The following LTV1 variants were observed in gnomAD, a reference collection of about 807,000 sequenced individuals.
The protein encoded by LTV1 is protein LTV1 homolog.
Under a neutral mutation model 59.9 loss-of-function variants are expected in LTV1, and 39 were observed. That is an observed-to-expected ratio of 0.65 (90% confidence interval 0.50 to 0.85). The LOEUF is 0.85. LTV1 is among the 40% of genes least tolerant of loss of function. The pLI is 0.00. For synonymous variants in LTV1, 171 were observed against 189.5 expected (o/e 0.90, Z 0.80); for missense variants, 493 against 549.1 (o/e 0.90, Z 1.02).
chr6:143,862,804 A>G lies in LTV1; in HGVS notation c.1064-40A>G, dbSNP rs376953162. 2.5e-4 allele frequency: 314 copies of G among 1,277,792 alleles called. 1 individual carries two copies. Among genetic ancestry groups the G allele is most frequent in the Non-Finnish European group, 3.3e-4 (290 of 874,536 alleles). The allele number at this position is 1,277,792 out of a possible 1,614,324, so 79.2% of individuals were successfully genotyped here. A position where few individuals can be genotyped will look rare whatever the true frequency, so the allele number is the denominator to read the frequency against. Reference sequence around the variant, plus strand: ...TTCAGTAATGCTTTGTGGAACTGAAAACATGCTTACTGATACATGACTTTT... The same window carrying G: ...TTCAGTAATGCTTTGTGGAACTGAAGACATGCTTACTGATACATGACTTTT... On this transcript the variant is annotated intron_variant, in intron 8 of 10. Coordinates refer to ENST00000367576, the MANE Select transcript of LTV1 (RefSeq NM_032860.5). The surrounding 1 kb of genome is among the most constrained non-coding windows in gnomAD (Gnocchi z 4.2).
At position 143,857,874 on chromosome 6, in the gene LTV1, A is replaced by G; in HGVS notation, c.662A>G (p.Lys221Arg). ...GAAGACTGTATGTCTGTGCCCGGAA[A>G]AACTCACAGAGCTATAGCAGATCAC... ...SDEDCMSVPG[K>R]THRAIADHLF... is the part of the protein sequence containing the mutation. The change falls in exon 6 of 11, where the codon AAA becomes AGA. Residue 221 changes from lysine (K) to arginine (R), a missense_variant. Lys to Arg is a conservative substitution (Grantham distance 26). Transcript: ENST00000367576. The surrounding 1 kb of genome is among the most constrained non-coding windows in gnomAD (Gnocchi z 5.2). 1 of 1,614,176 alleles carries G rather than the reference A, an allele frequency of 6.2e-7. No individual in the cohort carries two copies.
intron 4 of LTV1, among the ~76,000 whole-genome samples, chr6:143,852,512 G>A (rs114337931): frequency 0.022 from 3,308 of 152,234 alleles, 124 homozygotes; most frequent in African/African-American, 0.074. Flanking sequence ...CTCCCATTGT[G>A]TGGGTTGCCT....
chr6:143,848,749 A>G (rs1198001068), intron 3 of LTV1, among the ~76,000 whole-genome samples: 1 of 152,142 alleles, frequency 6.6e-6, no homozygotes, highest in African/African-American at 2.4e-5. Context: ...AGTTCACACA[A>G]AGGGAAGTTC....
At position 143,845,115 on chromosome 6, in the gene LTV1, C is replaced by G. The variant is rs75893908; in HGVS notation, c.135+498C>G. On this transcript the variant is annotated intron_variant, in intron 2 of 10. Transcript: ENST00000367576. ...ACCGCAAACTGCATTTTGCCTCCTG[C>G]TTGCTCATCTTAGGAAATGTAAAAT... 8.8e-3 allele frequency among the ~76,000 whole-genome samples: 1,339 copies of G among 152,190 alleles called. 20 individuals carry two copies. Among genetic ancestry groups the G allele is most frequent in the African/African-American group, 0.031 (1,290 of 41,522 alleles).
At chr6:143,849,986 CTTA>C (rs1003001508) in intron 3 of LTV1, 142 bp from the exon 4 acceptor site, 2 of 593,318 alleles carry the variant, frequency 3.4e-6, no homozygotes, top group African/African-American at 1.9e-5. Context: ...AAGACCTCAT[CTTA>C]TTATAGTTGA....
intron 6 of LTV1, 53 bp downstream of exon 6, chr6:143,858,060 T>G: frequency 1.3e-6 from 2 of 1,564,600 alleles, no homozygotes; most frequent in South Asian, 2.3e-5. Context: ...TAAATTTTTT[T>G]TTTTAATACC....
At chr6:143,843,616 T>C in intron 1 of LTV1, 136 bp downstream of exon 1, 1 of 1,098,338 alleles carries the variant, frequency 9.1e-7, no homozygotes, top group Non-Finnish European at 1.3e-6. Flanking sequence ...TACCCCGAAA[T>C]GGGCCAACGT....
intron 2 of LTV1, 124 bp from the exon 3 acceptor site, chr6:143,845,927 C>A: frequency 1.3e-6 from 1 of 770,518 alleles, no homozygotes; most frequent in Non-Finnish European, 2.0e-6. Context: ...GTTCATGTGC[C>A]ATCTGCCTCC....
At chr6:143,852,032 C>T (rs542658469) in intron 4 of LTV1, among the ~76,000 whole-genome samples, 7 of 152,070 alleles carry the variant, frequency 4.6e-5, no homozygotes, top group Admixed American at 1.3e-4. Flanking sequence ...TACAATAAAC[C>T]TACGTGTGCA....
At chr6:143,861,484 G>A (rs1254074448) in intron 7 of LTV1, among the ~76,000 whole-genome samples, 8 of 151,652 alleles carry the variant, frequency 5.3e-5, no homozygotes, top group South Asian at 4.2e-4. Context: ...AAATAAGATC[G>A]TGTTTCTAGT....
chr6:143,857,680 A>T lies in LTV1; in HGVS notation c.540-72A>T. 7.2e-6 allele frequency: 11 copies of T among 1,521,568 alleles called. No individual in the cohort carries two copies. Among genetic ancestry groups the T allele is most frequent in the Non-Finnish European group, 9.1e-6 (10 of 1,104,004 alleles). The allele number at this position is 1,521,568 out of a possible 1,614,324, so 94.3% of individuals were successfully genotyped here. On this transcript the variant is annotated intron_variant, in intron 5 of 10. Coordinates refer to ENST00000367576, the MANE Select transcript of LTV1 (RefSeq NM_032860.5). This position sits in a 1 kb window ranked among gnomAD's most constrained non-coding sequence, Gnocchi z 5.2. ...CCTTCCTGAAATACCTTCCAATTTTACTTGTGTAAAGTGGTTTTGTTCTGT... is the reference window on the plus strand; with the variant it reads ...CCTTCCTGAAATACCTTCCAATTTTTCTTGTGTAAAGTGGTTTTGTTCTGT...
chr6:143,853,263 CTGTT>C (rs1562330658), intron 4 of LTV1, among the ~76,000 whole-genome samples: 1 of 152,116 alleles, frequency 6.6e-6, no homozygotes, highest in African/African-American at 2.4e-5. Context: ...ATTTGGCTCT[CTGTT>C]TGTCTATTAT....
Position 143,862,922 on chromosome 6 carries a change from T to G in LTV1, c.1116+26T>G. Reference sequence around the variant, plus strand: ...GTAAGTCCTAGTGTGCTGAGCTATTTGAAGGATGCAGTGCATAAAAAATAG... The same window carrying G: ...GTAAGTCCTAGTGTGCTGAGCTATTGGAAGGATGCAGTGCATAAAAAATAG... On this transcript the variant is annotated intron_variant, in intron 9 of 10. Coordinates refer to ENST00000367576, the MANE Select transcript of LTV1 (RefSeq NM_032860.5). This position sits in a 1 kb window ranked among gnomAD's most constrained non-coding sequence, Gnocchi z 4.2. 1 of 1,556,736 alleles carries G rather than the reference T, an allele frequency of 6.4e-7. No homozygotes were observed. Among genetic ancestry groups the G allele is most frequent in the Non-Finnish European group, 8.9e-7 (1 of 1,127,988 alleles).
intron 4 of LTV1, among the ~76,000 whole-genome samples, chr6:143,853,307 A>G (rs542021149): frequency 8.5e-4 from 130 of 152,276 alleles, no homozygotes; most frequent in African/African-American, 3.0e-3. Flanking sequence ...TGATTTTTGC[A>G]CATTGATTTT....
In LTV1 at chr6:143,855,407, A is replaced by T. The variant is rs1306302017; in HGVS notation, c.398-1896A>T. On this transcript the variant is annotated intron_variant, in intron 4 of 10. Transcript: ENST00000367576. The surrounding 1 kb of genome is among the most constrained non-coding windows in gnomAD (Gnocchi z 4.6). ...TCTTGACTCTTTATCCAATTTGCCA[A>T]TCTGTGTCTTTTAATTGGGGCTTTT... Among the ~76,000 whole-genome samples, 2 of 152,222 alleles carry T rather than the reference A, an allele frequency of 1.3e-5. 1 individual carries two copies. The highest frequency in any genetic ancestry group is 4.2e-4 in the South Asian group (2 of 4,816).
At position 143,863,464 on chromosome 6, in the gene LTV1, G is replaced by C. The variant is rs1161136044; in HGVS notation, c.1365G>C (p.Glu455Asp). Residue 455 changes from glutamate to aspartate, a missense_variant, in exon 11 of 11, where the codon GAG becomes GAC. Transcript: ENST00000367576. The surrounding 1 kb of genome is among the most constrained non-coding windows in gnomAD (Gnocchi z 4.5). ...KKANKLAFKL[E>D]KRRQEKELLN... ...CTAACAAATTAGCATTTAAACTGGA[G>C]AAAAGAAGGCAAGAAAAAGAGCTGC... The C allele has an allele frequency of 3.1e-6, 5 of 1,613,702 alleles. No individual in the cohort carries two copies. Among genetic ancestry groups the C allele is most frequent in the South Asian group, 1.1e-5 (1 of 91,072 alleles).
At chr6:143,859,579 A>G (rs1009944421) in intron 6 of LTV1, among the ~76,000 whole-genome samples, 11 of 152,218 alleles carry the variant, frequency 7.2e-5, no homozygotes, top group Admixed American at 5.2e-4. Flanking sequence ...TTACCTTGCT[A>G]CCTTCTCACC....
At position 143,843,412 on chromosome 6, in the gene LTV1, C is replaced by T. The variant is rs1776831999; in HGVS notation, c.-66C>T. 4 of 1,607,972 alleles carry T rather than the reference C, an allele frequency of 2.5e-6. No individual in the cohort carries two copies. In the South Asian group the frequency reaches 4.4e-5, roughly 18 times the overall value. On this transcript the variant is annotated 5_prime_UTR_variant, in exon 1 of 11. Coordinates refer to ENST00000367576, the MANE Select transcript of LTV1 (RefSeq NM_032860.5). ...AAGCGGCCTTCAGCTGGACCTTGGTCTCCCCGCCGGACTTCGAGGGTGTCA... is the reference window on the plus strand; with the variant it reads ...AAGCGGCCTTCAGCTGGACCTTGGTTTCCCCGCCGGACTTCGAGGGTGTCA...
Position 143,863,752 on chromosome 6 carries a change from A to G in LTV1, c.*225A>G. ...TATAAGCTTACATTTGCTCTGAAGTAAATGACTTCATGAATGTGAAATGTT... is the reference window on the plus strand; with the variant it reads ...TATAAGCTTACATTTGCTCTGAAGTGAATGACTTCATGAATGTGAAATGTT... On this transcript the variant is annotated 3_prime_UTR_variant, in exon 11 of 11. Transcript: ENST00000367576. This position sits in a 1 kb window ranked among gnomAD's most constrained non-coding sequence, Gnocchi z 4.5. 2.8e-6 allele frequency: 1 copy of G among 362,984 alleles called. No homozygotes were observed. Among genetic ancestry groups the G allele is most frequent in the Non-Finnish European group, 5.0e-6 (1 of 200,794 alleles). The allele number at this position is 362,984 out of a possible 1,614,324, so 22.5% of individuals were successfully genotyped here.
Sources: gnomAD v4.1 joint callset for allele counts (sites outside exome capture counted in the v4.1 genomes callset) on GRCh38, gnomAD v4.1.1 for gene constraint, Gnocchi (gnomAD v3.1) non-coding constraint, MANE v1.5 for transcripts, NCBI Gene and HGNC (gene_info 2026-07-23, HGNC 2026-07-21) for gene names.